NTM: variants seen among roughly 807,000 people sequenced by gnomAD.
The protein encoded by NTM is IgLON family member 2.
In NTM, 13 loss-of-function variants were observed where a neutral mutation model predicts 42.1. That is an observed-to-expected ratio of 0.31 (90% confidence interval 0.20 to 0.49). The LOEUF (loss-of-function observed/expected upper bound fraction) is 0.49, where lower values mean the gene tolerates loss of function less well. Among genes scored for constraint, NTM ranks in the 20% least tolerant of loss-of-function variants. The pLI, the probability that NTM is intolerant of heterozygous loss-of-function variation, is 0.99. For synonymous variants in NTM, 187 were observed against 179.2 expected (o/e 1.04, Z -0.35); for missense variants, 373 against 452.8 (o/e 0.82, Z 1.60).
At chr11:131,689,071 G>A in intron 1 of NTM, among the ~76,000 whole-genome samples, 2 of 152,352 alleles carry the variant, frequency 1.3e-5, no homozygotes, top group Middle Eastern at 3.4e-3. Context: ...TAAATTGGAT[G>A]TTTGTTAAGG....
intron 1 of NTM, among the ~76,000 whole-genome samples, chr11:131,439,231 G>A (rs866658263): frequency 9.2e-5 from 14 of 152,310 alleles, no homozygotes; most frequent in Non-Finnish European, 1.5e-4. Context: ...CCCCTACTGG[G>A]AGGTGTCTCC....
At chr11:131,688,243 G>T (rs544964862) in intron 1 of NTM, among the ~76,000 whole-genome samples, 1 of 152,258 alleles carries the variant, frequency 6.6e-6, no homozygotes, top group East Asian at 1.9e-4. Context: ...GCGGGGGAGG[G>T]CCCCTCTCAG....
At chr11:131,490,473 A>T (rs1349314264) in intron 1 of NTM, among the ~76,000 whole-genome samples, 2 of 152,258 alleles carry the variant, frequency 1.3e-5, no homozygotes, top group African/African-American at 4.8e-5. Flanking sequence ...TGCAAGGCTC[A>T]GCAGGGTTGA....
intron 2 of NTM, among the ~76,000 whole-genome samples, chr11:131,960,972 A>G (rs1469400235): frequency 6.6e-6 from 1 of 152,150 alleles, no homozygotes; most frequent in Non-Finnish European, 1.5e-5. Context: ...GGGGATTTGG[A>G]CAACAGCGTC....
chr11:131,416,670 AGAAAG>A (rs780820790), intron 1 of NTM, among the ~76,000 whole-genome samples: 1 of 152,250 alleles, frequency 6.6e-6, no homozygotes, highest in Non-Finnish European at 1.5e-5. Context: ...GGTGAGGCAA[AGAAAG>A]GACCACTGGT....
intron 1 of NTM, among the ~76,000 whole-genome samples, chr11:131,447,153 C>T (rs530892856): frequency 6.6e-6 from 1 of 152,298 alleles, no homozygotes; most frequent in South Asian, 2.1e-4. Context: ...TCCTTTAGAG[C>T]AACTTCCAGG....
At chr11:131,391,896 A>C (rs915261048) in intron 1 of NTM, among the ~76,000 whole-genome samples, 2 of 152,178 alleles carry the variant, frequency 1.3e-5, no homozygotes, top group Admixed American at 1.3e-4. Flanking sequence ...GGCTGTATTA[A>C]GGGAGAGGGA....
chr11:132,053,519 T>C (rs2079154693), intron 2 of NTM, among the ~76,000 whole-genome samples: 1 of 152,138 alleles, frequency 6.6e-6, no homozygotes, highest in Admixed American at 6.5e-5. Flanking sequence ...GGAAAAGAAT[T>C]CTGAAATTCT....
At chr11:131,376,771 A>G (rs1942030363) in intron 1 of NTM, among the ~76,000 whole-genome samples, 1 of 151,214 alleles carries the variant, frequency 6.6e-6, no homozygotes, top group Admixed American at 6.6e-5. Context: ...ATTCAAATTC[A>G]CTCGCTAGTG....
At chr11:131,734,867 A>G (rs1479786040) in intron 1 of NTM, among the ~76,000 whole-genome samples, 1 of 152,214 alleles carries the variant, frequency 6.6e-6, no homozygotes, top group East Asian at 1.9e-4. Context: ...AAAATCCAGT[A>G]ATAAGAACAA....
At chr11:131,828,157 C>A (rs80073620) in intron 1 of NTM, among the ~76,000 whole-genome samples, 1 of 151,990 alleles carries the variant, frequency 6.6e-6, no homozygotes, top group Non-Finnish European at 1.5e-5. Flanking sequence ...CTCTCAATAA[C>A]GTTTTTAGGT....
intron 2 of NTM, among the ~76,000 whole-genome samples, chr11:132,110,544 G>A (rs2063024713): frequency 6.6e-6 from 1 of 152,186 alleles, no homozygotes; most frequent in Non-Finnish European, 1.5e-5. Context: ...CACTGCAAAT[G>A]CTTTCAATCA....
At chr11:131,717,289 T>C (rs933651651) in intron 1 of NTM, among the ~76,000 whole-genome samples, 6 of 152,218 alleles carry the variant, frequency 3.9e-5, no homozygotes, top group African/African-American at 1.4e-4. Context: ...GGTTTTGGAT[T>C]GAAATTGTAT....
intron 1 of NTM, among the ~76,000 whole-genome samples, chr11:131,779,196 C>A (rs531738950): frequency 1.3e-4 from 20 of 152,180 alleles, no homozygotes; most frequent in African/African-American, 4.8e-4. Context: ...CACAAATGAG[C>A]CTGGAAGAGG....
At chr11:132,155,585 C>T (rs976790987) in intron 3 of NTM, among the ~76,000 whole-genome samples, 8 of 151,872 alleles carry the variant, frequency 5.3e-5, no homozygotes, top group Non-Finnish European at 1.2e-4. Context: ...GGTGCTCTTC[C>T]TCAGCTCTCT....
chr11:131,994,020 G>GAAT (rs1423957384), intron 2 of NTM, among the ~76,000 whole-genome samples: 2 of 112,120 alleles, frequency 1.8e-5, no homozygotes, highest in African/African-American at 8.3e-5. Flanking sequence ...AAAAAAAAAA[G>GAAT]AAGAAGAAGA....
chr11:131,604,337 T>C (rs999510202), intron 1 of NTM, among the ~76,000 whole-genome samples: 1 of 152,196 alleles, frequency 6.6e-6, no homozygotes, highest in Non-Finnish European at 1.5e-5. Flanking sequence ...ACTTTGGAGG[T>C]AGGACTATTC....
intron 2 of NTM, among the ~76,000 whole-genome samples, chr11:131,919,796 T>A (rs2056960442): frequency 6.6e-6 from 1 of 152,164 alleles, no homozygotes; most frequent in South Asian, 2.1e-4. Context: ...TACACACATA[T>A]ACCAATTTTC....
chr11:132,217,356 T>TTTTGTG (rs1555319443), intron 4 of NTM, among the ~76,000 whole-genome samples: 4 of 135,238 alleles, frequency 3.0e-5, no homozygotes, highest in African/African-American at 1.1e-4. Context: ...CTCTCTCTCT[T>TTTTGTG]TCTGTGTGTG....
Sources: gnomAD v4.1 joint callset for allele counts (sites outside exome capture counted in the v4.1 genomes callset) on GRCh38, gnomAD v4.1.1 for gene constraint, MANE v1.5 for transcripts, NCBI Gene and HGNC (gene_info 2026-07-23, HGNC 2026-07-21) for gene names.